Variants in ADARB1 observed in about 807,000 individuals in gnomAD.
The protein encoded by ADARB1 is adenosine deaminase RNA specific B1, also known as double-stranded RNA-specific editase 1.
ADARB1 carries 10 observed loss-of-function variants against 52.4 expected under a neutral mutation model. The observed-to-expected ratio is 0.19, with a 90% CI of 0.12 to 0.32. The LOEUF is 0.32. Among genes scored for constraint, ADARB1 ranks in the 10% least tolerant of loss-of-function variants. The pLI is 1.00. For synonymous variants in ADARB1, 349 were observed against 371.1 expected (o/e 0.94, Z 0.68); for missense variants, 643 against 922.3 (o/e 0.70, Z 3.92).
intron 6 of ADARB1, among the ~76,000 whole-genome samples, 172 bp downstream of exon 6, chr21:45,182,925 C>T (rs758851924): frequency 6.6e-6 from 1 of 152,196 alleles, no homozygotes; most frequent in Non-Finnish European, 1.5e-5. Context: ...GCTCAACACA[C>T]ATATGCACAC....
In ADARB1 at chr21:45,200,953, A is replaced by T. The variant is rs1029096522; in HGVS notation, c.1566-3602A>T. On this transcript the variant is annotated intron_variant, in intron 8 of 10. Coordinates refer to ENST00000348831, the MANE Select transcript of ADARB1 (RefSeq NM_001112.4). This position sits in a 1 kb window ranked among gnomAD's most constrained non-coding sequence, Gnocchi z 5.0. ...TGTTCCTAAAGAAATGGCACAAGGA[A>T]AATGAAAGACGAAGAAGGCCAGGCA... 6.6e-6 allele frequency among the ~76,000 whole-genome samples: 1 copy of T among 152,348 alleles called. No individual in the cohort carries two copies. Among genetic ancestry groups the T allele is most frequent in the African/African-American group, 2.4e-5 (1 of 41,584 alleles).
At chr21:45,184,540 C>A in intron 7 of ADARB1, 1 of 367,546 alleles carries the variant, frequency 2.7e-6, no homozygotes. Flanking sequence ...CCTCGACCTC[C>A]TGGGCTCTTA....
In ADARB1 at chr21:45,128,808, G is replaced by A. The variant is rs1046318463; in HGVS notation, c.-48+235G>A. Among the ~76,000 whole-genome samples, 1 of 152,094 alleles carries A rather than the reference G, an allele frequency of 6.6e-6. No homozygotes were observed. The highest frequency in any genetic ancestry group is 1.5e-5 in the Non-Finnish European group (1 of 68,012). Reference sequence around the variant, plus strand: ...GGTGCCTGCTGCCCTCCAGTGGCATGTGTGGCACCTGCTGCCCTCCAGTGG... The same window carrying A: ...GGTGCCTGCTGCCCTCCAGTGGCATATGTGGCACCTGCTGCCCTCCAGTGG... On this transcript the variant is annotated intron_variant, in intron 2 of 10. Coordinates refer to ENST00000348831, the MANE Select transcript of ADARB1 (RefSeq NM_001112.4). The surrounding 1 kb of genome is among the most constrained non-coding windows in gnomAD (Gnocchi z 4.6).
At chr21:45,164,802 A>G (rs1376150947) in intron 2 of ADARB1, among the ~76,000 whole-genome samples, 4 of 152,132 alleles carry the variant, frequency 2.6e-5, no homozygotes, top group African/African-American at 4.8e-5. Context: ...GCTCCTGCAC[A>G]AGCTGAGTGG....
rs148146888 is a variant in ADARB1, at chr21:45,224,181, G to C, written c.*1984G>C. ...TAATGGGGATTGGGAGATGGACTTC[G>C]TTTTTAAAAATATGTGGATTTTGGT... On this transcript the variant is annotated 3_prime_UTR_variant, in exon 11 of 11. Coordinates refer to ENST00000348831, the MANE Select transcript of ADARB1 (RefSeq NM_001112.4). 6.4e-4 allele frequency: 633 copies of C among 985,376 alleles called. No individual in the cohort carries two copies. The highest frequency in any genetic ancestry group is 7.6e-4 in the Non-Finnish European group (628 of 829,920). 61.0% of individuals were successfully genotyped at this position (985,376 alleles called of 1,614,324 possible). A position where few individuals can be genotyped will look rare whatever the true frequency, so the allele number is the denominator to read the frequency against.
intron 1 of ADARB1, among the ~76,000 whole-genome samples, chr21:45,079,580 C>G (rs561753512): frequency 6.6e-6 from 1 of 152,288 alleles, no homozygotes; most frequent in East Asian, 1.9e-4. Context: ...CATTGTGCAG[C>G]TACTTCCTAG....
chr21:45,222,461 C>T lies in ADARB1; in HGVS notation c.*264C>T, dbSNP rs2092984059. ...GCAGCATTTCCCCTTCTGAACCGTC[C>T]AGTGACTGCTTTCAATCTCGGTTTA... On this transcript the variant is annotated 3_prime_UTR_variant, in exon 11 of 11. Transcript: ENST00000348831. 8.1e-7 allele frequency: 1 copy of T among 1,232,324 alleles called. No homozygotes were observed. 76.3% of individuals were successfully genotyped at this position (1,232,324 alleles called of 1,614,324 possible). A position where few individuals can be genotyped will look rare whatever the true frequency, so the allele number is the denominator to read the frequency against.
intron 2 of ADARB1, among the ~76,000 whole-genome samples, chr21:45,159,220 G>A (rs528745359): frequency 9.2e-5 from 14 of 152,254 alleles, no homozygotes; most frequent in African/African-American, 1.9e-4. Context: ...ACAAAGGGAC[G>A]TCTTATATGG....
intron 1 of ADARB1, among the ~76,000 whole-genome samples, chr21:45,077,442 G>A (rs371882678): frequency 6.6e-6 from 1 of 152,160 alleles, no homozygotes; most frequent in South Asian, 2.1e-4. Flanking sequence ...GAGGCGGGTA[G>A]ATCACGAGGT....
At chr21:45,139,702 G>A (rs530431207) in intron 2 of ADARB1, among the ~76,000 whole-genome samples, 8 of 152,204 alleles carry the variant, frequency 5.3e-5, no homozygotes, top group East Asian at 3.8e-4. Flanking sequence ...CTGCCTCTCC[G>A]TGTTCTCTTG....
intron 1 of ADARB1, among the ~76,000 whole-genome samples, chr21:45,089,402 T>C (rs1219374089): frequency 1.3e-5 from 2 of 152,180 alleles, no homozygotes; most frequent in East Asian, 3.8e-4. Context: ...CTCTGTTTCT[T>C]CCCATGTGAA....
chr21:45,202,971 G>A (rs1377730753), intron 8 of ADARB1, among the ~76,000 whole-genome samples: 2 of 147,686 alleles, frequency 1.4e-5, no homozygotes, highest in African/African-American at 5.0e-5. Flanking sequence ...CTTGCAGCCT[G>A]TGCCACACTG....
chr21:45,161,933 C>T (rs1203202947), intron 2 of ADARB1, among the ~76,000 whole-genome samples: 1 of 152,200 alleles, frequency 6.6e-6, no homozygotes. Context: ...CTGAGCTGTT[C>T]TGTCACTCAA....
At chr21:45,109,217 G>T (rs1208720746) in intron 1 of ADARB1, among the ~76,000 whole-genome samples, 1 of 151,518 alleles carries the variant, frequency 6.6e-6, no homozygotes, top group Non-Finnish European at 1.5e-5. Context: ...GCGCGCGTGT[G>T]TGCGCGCTTG....
chr21:45,180,518 A>G (rs1187025025), intron 5 of ADARB1, 74 bp downstream of exon 5: 3 of 1,242,612 alleles, frequency 2.4e-6, no homozygotes, highest in South Asian at 2.5e-5. Flanking sequence ...TCAATCGACA[A>G]AAACCACTGT....
intron 1 of ADARB1, among the ~76,000 whole-genome samples, chr21:45,077,416 A>G (rs1601217088): frequency 6.6e-6 from 1 of 152,362 alleles, no homozygotes; most frequent in East Asian, 1.9e-4. Context: ...CTGTAATCCC[A>G]GCACTTTGGG....
At chr21:45,117,308 A>G (rs1262161136) in intron 1 of ADARB1, among the ~76,000 whole-genome samples, 1 of 152,204 alleles carries the variant, frequency 6.6e-6, no homozygotes, top group African/African-American at 2.4e-5. Flanking sequence ...TTTTTGTGCC[A>G]GCTTTTTAGG....
At position 45,223,480 on chromosome 21, in the gene ADARB1, G is replaced by C; in HGVS notation, c.*1283G>C. On this transcript the variant is annotated 3_prime_UTR_variant, in exon 11 of 11. Coordinates refer to ENST00000348831, the MANE Select transcript of ADARB1 (RefSeq NM_001112.4). ...CCACCAAGCTCAGAGATTTGCACCA[G>C]GTGCCTTGTTGCCTCCGCTCAGGAT... is the stretch of plus-strand genomic sequence containing the variant. The C allele has an allele frequency of 1.3e-5, 13 of 985,688 alleles. No individual in the cohort carries two copies. Among genetic ancestry groups the C allele is most frequent in the Non-Finnish European group, 1.6e-5 (13 of 830,118 alleles). The allele number at this position is 985,688 out of a possible 1,614,324, so 61.1% of individuals were successfully genotyped here.
intron 2 of ADARB1, chr21:45,145,934 C>T (rs1423107065): frequency 1.3e-5 from 2 of 152,264 alleles, no homozygotes. Context: ...GCTGACATGA[C>T]CTTTGCCAGT....
Sources: allele counts gnomAD v4.1 joint callset (sites outside exome capture counted in the v4.1 genomes callset), GRCh38; gene constraint gnomAD v4.1.1; non-coding constraint Gnocchi (gnomAD v3.1); transcripts MANE v1.5; gene names NCBI Gene and HGNC (gene_info 2026-07-23, HGNC 2026-07-21).